The following FGF12 variants were observed in gnomAD, a reference collection of about 807,000 sequenced individuals.
FGF12 encodes fibroblast growth factor 12B.
FGF12 carries 14 observed loss-of-function variants against 23.6 expected under a neutral mutation model. The ratio of observed to expected loss-of-function variants is 0.59; its 90% CI spans 0.39 to 0.93. The LOEUF (loss-of-function observed/expected upper bound fraction) is 0.93. FGF12 is among the 40% of genes least tolerant of loss of function. The pLI is 0.00. For missense variants in FGF12, 175 were observed against 217.8 expected (o/e 0.80, Z 1.24); for synonymous variants, 62 against 77.3 (o/e 0.80, Z 1.04).
At chr3:192,577,420 T>C (rs1419794643) in intron 2 of FGF12, among the ~76,000 whole-genome samples, 2 of 152,218 alleles carry the variant, frequency 1.3e-5, no homozygotes, top group Non-Finnish European at 2.9e-5. Context: ...CCTTTGTATG[T>C]ACTCGGTTCC....
intron 2 of FGF12, among the ~76,000 whole-genome samples, chr3:192,671,272 C>T (rs1717105509): frequency 6.6e-6 from 1 of 152,108 alleles, no homozygotes; most frequent in Non-Finnish European, 1.5e-5. Context: ...GAAAAAACAT[C>T]TCTAGTAGTA....
At chr3:192,186,109 AT>A (rs201208273) in intron 4 of FGF12, among the ~76,000 whole-genome samples, 102 of 151,520 alleles carry the variant, frequency 6.7e-4, no homozygotes, top group African/African-American at 2.3e-3. Context: ...AAGAGATACT[AT>A]TTTTTTTTCT....
In FGF12 at chr3:192,330,435, G is replaced by A. The variant is rs186154737; in HGVS notation, c.228+4926C>T. 4.1e-3 allele frequency among the ~76,000 whole-genome samples: 620 copies of A among 152,184 alleles called. 8 individuals are homozygous for A. The highest frequency in any genetic ancestry group is 0.014 in the African/African-American group (594 of 41,508). On this transcript the variant is annotated intron_variant, in intron 4 of 5. Coordinates refer to ENST00000445105, the MANE Select transcript of FGF12 (RefSeq NM_004113.6). ...CCAGAAATAAACCCTTTAATATGTG[G>A]TCAAATCATCTTCAACAAGATTACA...
chr3:192,252,494 GA>G (rs1712095850), intron 4 of FGF12, among the ~76,000 whole-genome samples: 3 of 63,606 alleles, frequency 4.7e-5, no homozygotes, highest in African/African-American at 1.9e-4. Flanking sequence ...AAAAAAAAAA[GA>G]AAAGAGAAGA....
chr3:192,645,140 A>G (rs926945004), intron 2 of FGF12, among the ~76,000 whole-genome samples: 2 of 152,134 alleles, frequency 1.3e-5, no homozygotes, highest in African/African-American at 4.8e-5. Context: ...CAAGTAATGA[A>G]GTTGGGATCT....
chr3:192,605,873 A>T (rs550689614), intron 2 of FGF12, among the ~76,000 whole-genome samples: 2 of 152,292 alleles, frequency 1.3e-5, no homozygotes, highest in Admixed American at 1.3e-4. Flanking sequence ...AACACAATAG[A>T]TGTTGGTGAG....
At chr3:192,254,239 T>C (rs1339775986) in intron 4 of FGF12, among the ~76,000 whole-genome samples, 1 of 151,874 alleles carries the variant, frequency 6.6e-6, no homozygotes, top group Non-Finnish European at 1.5e-5. Context: ...ATTCAAATAT[T>C]TAGACTCCGC....
chr3:192,286,911 T>C (rs1714477496), intron 4 of FGF12, among the ~76,000 whole-genome samples: 1 of 152,042 alleles, frequency 6.6e-6, no homozygotes, highest in South Asian at 2.1e-4. Flanking sequence ...GTAAAATATG[T>C]CAGCCTTTCA....
At chr3:192,549,533 G>T (rs79717418) in intron 2 of FGF12, among the ~76,000 whole-genome samples, 3,988 of 152,200 alleles carry the variant, frequency 0.026, 176 homozygotes, top group African/African-American at 0.091. Context: ...AGGAAATTTG[G>T]AATGTTAATT....
At chr3:192,173,477 GATAAAAGTAACTC>G in intron 4 of FGF12, among the ~76,000 whole-genome samples, 2 of 139,298 alleles carry the variant, frequency 1.4e-5, no homozygotes, top group Non-Finnish European at 3.3e-5. Context: ...CAAGTATATG[GATAAAAGTAACTC>G]AGATTCAATA....
intron 2 of FGF12, among the ~76,000 whole-genome samples, chr3:192,639,182 C>T (rs575087503): frequency 3.3e-5 from 5 of 152,082 alleles, no homozygotes. Context: ...GAAAAATGAC[C>T]AATAGGTATA....
intron 2 of FGF12, among the ~76,000 whole-genome samples, chr3:192,491,431 A>G (rs1386247031): frequency 6.6e-6 from 1 of 152,120 alleles, no homozygotes; most frequent in Non-Finnish European, 1.5e-5. Flanking sequence ...GAGTTTTCAT[A>G]ACCTAATATC....
chr3:192,645,878 A>C (rs944279926), intron 2 of FGF12, among the ~76,000 whole-genome samples: 7 of 151,878 alleles, frequency 4.6e-5, no homozygotes, highest in Non-Finnish European at 7.4e-5. Flanking sequence ...AATTTACGTT[A>C]AGTTCCAGAA....
chr3:192,587,048 T>A (rs1013060735), intron 2 of FGF12, among the ~76,000 whole-genome samples: 1 of 152,136 alleles, frequency 6.6e-6, no homozygotes, highest in Non-Finnish European at 1.5e-5. Flanking sequence ...TCAGAATATA[T>A]ATATATAAAA....
chr3:192,172,880 C>T lies in FGF12; in HGVS notation c.229-2224G>A, dbSNP rs1013959360. Among the ~76,000 whole-genome samples, 3 of 150,842 alleles carry T rather than the reference C, an allele frequency of 2.0e-5. No homozygotes were observed. In the South Asian group the frequency reaches 6.3e-4, roughly 32 times the overall value. On this transcript the variant is annotated intron_variant, in intron 4 of 5. Coordinates refer to ENST00000445105, the MANE Select transcript of FGF12 (RefSeq NM_004113.6). ...ACATCATTCATAATGTGGAAACAAC[C>T]CAAACATCTATCAAGTGATGAATGG... is the stretch of plus-strand genomic sequence containing the variant.
intron 1 of FGF12, 36 bp downstream of exon 1, chr3:192,727,448 C>A: frequency 2.1e-6 from 2 of 954,774 alleles, no homozygotes; most frequent in Non-Finnish European, 3.0e-6. Flanking sequence ...AATGCATGCA[C>A]AGTGCCCGCT....
At chr3:192,213,008 A>G (rs1453383132) in intron 4 of FGF12, among the ~76,000 whole-genome samples, 1 of 152,166 alleles carries the variant, frequency 6.6e-6, no homozygotes, top group African/African-American at 2.4e-5. Flanking sequence ...AATGGTACCA[A>G]TGGTCTTTGT....
At chr3:192,476,070 C>T (rs114084809) in intron 2 of FGF12, among the ~76,000 whole-genome samples, 254 of 152,212 alleles carry the variant, frequency 1.7e-3, no homozygotes, top group African/African-American at 5.7e-3. Flanking sequence ...AATAGAATAA[C>T]GTGATCCCCA....
At chr3:192,269,692 A>AATG (rs1713304539) in intron 4 of FGF12, among the ~76,000 whole-genome samples, 6 of 152,206 alleles carry the variant, frequency 3.9e-5, no homozygotes, top group Admixed American at 3.9e-4. Flanking sequence ...TGCAGAGTCT[A>AATG]CCCAATAACT....
Sources: allele counts gnomAD v4.1 joint callset (sites outside exome capture counted in the v4.1 genomes callset), GRCh38; gene constraint gnomAD v4.1.1; transcripts MANE v1.5; gene names NCBI Gene and HGNC (gene_info 2026-07-23, HGNC 2026-07-21).